The following HK3 variants were observed in gnomAD, a reference collection of about 807,000 sequenced individuals.
HK3 encodes hexokinase 3, also known as hexokinase-3.
A neutral mutation model predicts 91.0 loss-of-function variants in HK3; 93 were observed. The observed-to-expected ratio is 1.02, with a 90% CI of 0.86 to 1.21. The LOEUF is 1.21. Ranked by LOEUF, HK3 falls within the 50% of genes most tolerant of loss-of-function variation. The pLI is 0.00. For synonymous variants in HK3, 519 were observed against 516.9 expected, an observed-to-expected ratio of 1.00 and a Z score of -0.06; for missense variants, 1,235 against 1,247.4, an observed-to-expected ratio of 0.99 and a Z score of 0.15.
In HK3 at chr5:176,889,735, T is replaced by A; in HGVS notation, c.640A>T (p.Ile214Phe). ...DAIRRQGAYNIDVVAVVNDTV... is the reference protein window; with the variant it reads ...DAIRRQGAYNFDVVAVVNDTV... Reference sequence around the variant, plus strand: ...TCGTTCACCACAGCAACCACGTCGATGTTGTAGGCCTAGATGATGAAGAGG... The same window carrying A: ...TCGTTCACCACAGCAACCACGTCGAAGTTGTAGGCCTAGATGATGAAGAGG... Residue 214 changes from isoleucine (I) to phenylalanine (F), a missense_variant, in exon 7 of 19, where the codon ATC (isoleucine) becomes TTC (phenylalanine). Transcript: ENST00000292432. 1 of 1,613,462 alleles carries A rather than the reference T, an allele frequency of 6.2e-7. No homozygotes were observed.
Position 176,881,595 on chromosome 5 carries a change from C to T in HK3, c.2394-60G>A, listed in dbSNP as rs563649175. The T allele has an allele frequency of 4.8e-5, 77 of 1,588,820 alleles. 1 individual carries two copies. In the South Asian group the frequency reaches 7.9e-4, roughly 16 times the overall value. The stretch of plus-strand genomic sequence containing the variant: ...GGGTCGTGACTTCTCCCACTTCATC[C>T]TCCAGAGCAGACCTCGTCACCACCC... On this transcript the variant is annotated intron_variant, in intron 17 of 18. Coordinates refer to ENST00000292432, the MANE Select transcript of HK3 (RefSeq NM_002115.3).
Sources: allele counts gnomAD v4.1 joint callset, GRCh38; gene constraint gnomAD v4.1.1; transcripts MANE v1.5; gene names NCBI Gene and HGNC (gene_info 2026-07-23, HGNC 2026-07-21).